Variants in KIF21A observed in about 807,000 individuals in gnomAD.
KIF21A encodes kinesin family member 21A.
KIF21A carries 114 observed loss-of-function variants against 202.9 expected under a neutral mutation model. That is an observed-to-expected ratio of 0.56 (90% CI 0.48 to 0.66). The LOEUF is 0.66. Among genes scored for constraint, KIF21A ranks in the 30% least tolerant of loss-of-function variants. The pLI, the probability that KIF21A is intolerant of heterozygous loss-of-function variation, is 0.00. For missense variants in KIF21A, 1,677 were observed against 1,994.9 expected (o/e 0.84, Z 3.04); for synonymous variants, 667 against 670.8 (o/e 0.99, Z 0.09).
At chr12:39,337,316 T>C (rs963971492) in intron 16 of KIF21A, 113 bp from the exon 17 acceptor site, 2 of 732,252 alleles carry the variant, frequency 2.7e-6, no homozygotes, top group African/African-American at 1.7e-5. Flanking sequence ...CATGGAAACA[T>C]GCAGTTTTGC....
chr12:39,319,844 T>C, intron 28 of KIF21A, 62 bp downstream of exon 28: 3 of 950,936 alleles, frequency 3.2e-6, no homozygotes, highest in Non-Finnish European at 5.0e-6. Flanking sequence ...TGATTATCTT[T>C]AGCATCTAAG....
intron 1 of KIF21A, among the ~76,000 whole-genome samples, chr12:39,379,952 T>C (rs1304706368): frequency 2.6e-5 from 4 of 152,156 alleles, no homozygotes; most frequent in Non-Finnish European, 5.9e-5. Context: ...TCTCAGGAAA[T>C]GGTAACAACA....
intron 1 of KIF21A, among the ~76,000 whole-genome samples, chr12:39,441,660 T>TAA (rs56245570): frequency 0.031 from 1,172 of 37,770 alleles, 221 homozygotes; most frequent in African/African-American, 0.078. Context: ...CCCTGGGTGG[T>TAA]AAAAAAAAAA....
At position 39,322,624 on chromosome 12, in the gene KIF21A, T is replaced by A. The variant is rs567108624; in HGVS notation, c.3671+44A>T. Reference sequence around the variant, plus strand: ...TTAGCAACATGCATACTTTTTTTTTTAAAGCCAAAAGAAAAGAAGTTAGTG... The same window carrying A: ...TTAGCAACATGCATACTTTTTTTTTAAAAGCCAAAAGAAAAGAAGTTAGTG... On this transcript the variant is annotated intron_variant, in intron 27 of 37. Coordinates refer to ENST00000361418, the MANE Select transcript of KIF21A (RefSeq NM_001173464.2). 30 of 1,441,706 alleles carry A rather than the reference T, an allele frequency of 2.1e-5. No individual in the cohort carries two copies. In the Middle Eastern group the frequency reaches 7.3e-4, roughly 35 times the overall value. The allele number at this position is 1,441,706 out of a possible 1,614,324, so 89.3% of individuals were successfully genotyped here. A position where few individuals can be genotyped will look rare whatever the true frequency, so the allele number is the denominator to read the frequency against.
chr12:39,340,309 T>C lies in KIF21A; in HGVS notation c.2166A>G (p.Glu722=). Residue 722 remains glutamate, a synonymous_variant, in exon 16 of 38, where the codon GAA becomes GAG. Transcript: ENST00000361418. ...EKAKKVRSEY[E]KKLQAMNKEL... is the part of the protein sequence containing the mutation. ...CTTTGTTCATGGCTTGGAGTTTCTT[T>C]TCATATTCAGACCTAACTTTTTTTG... 4 of 1,612,618 alleles carry C rather than the reference T, an allele frequency of 2.5e-6. No individual in the cohort carries two copies. The highest frequency in any genetic ancestry group is 3.4e-6 in the Non-Finnish European group (4 of 1,179,384).
At position 39,442,352 on chromosome 12, in the gene KIF21A, C is replaced by A. The variant is rs1939761224; in HGVS notation, c.44+575G>T. On this transcript the variant is annotated intron_variant, in intron 1 of 37. Coordinates refer to ENST00000361418, the MANE Select transcript of KIF21A (RefSeq NM_001173464.2). This position sits in a 1 kb window ranked among gnomAD's most constrained non-coding sequence, Gnocchi z 5.0. ...TGTCTCCTCTACCCACACGCGGGGG[C>A]ATGTCTAGATCCCCGTGATGCTGAA... is the stretch of plus-strand genomic sequence containing the variant. 6.6e-6 allele frequency among the ~76,000 whole-genome samples: 1 copy of A among 152,148 alleles called. No homozygotes were observed. The highest frequency in any genetic ancestry group is 1.5e-5 in the Non-Finnish European group (1 of 68,028).
chr12:39,324,764 G>A (rs750195084), intron 26 of KIF21A, among the ~76,000 whole-genome samples: 1 of 152,140 alleles, frequency 6.6e-6, no homozygotes, highest in East Asian at 1.9e-4. Flanking sequence ...ATGATGAACC[G>A]TTCATTGTAT....
In KIF21A at chr12:39,369,659, G is replaced by A. The variant is rs111423493; in HGVS notation, c.450+70C>T. On this transcript the variant is annotated intron_variant, in intron 3 of 37. Transcript: ENST00000361418. ...CAAAGCACTATACTTGAAGCCAACA[G>A]TATAAAATCATAAACACAGTCTATA... 481 of 1,180,110 alleles carry A rather than the reference G, an allele frequency of 4.1e-4. 4 individuals carry two copies. The African/African-American group carries it at 6.8e-3, about 17-fold the overall frequency. The allele number at this position is 1,180,110 out of a possible 1,614,324, so 73.1% of individuals were successfully genotyped here.
At chr12:39,329,805 A>G (rs1342001863) in intron 24 of KIF21A, among the ~76,000 whole-genome samples, 1 of 152,072 alleles carries the variant, frequency 6.6e-6, no homozygotes, top group Non-Finnish European at 1.5e-5. Context: ...GCTTAAATTT[A>G]CAAAAATAAA....
chr12:39,396,228 G>GT (rs901871445), intron 1 of KIF21A, among the ~76,000 whole-genome samples: 10 of 152,218 alleles, frequency 6.6e-5, no homozygotes, highest in Admixed American at 5.9e-4. Context: ...ATTTTAAAAT[G>GT]TAAGAATGTA....
intron 3 of KIF21A, 33 bp from the exon 4 acceptor site, chr12:39,368,065 C>A (rs1565999546): frequency 2.2e-6 from 3 of 1,379,310 alleles, no homozygotes; most frequent in African/African-American, 1.4e-5. Flanking sequence ...CTAATTTTAG[C>A]AGAAATTGTC....
At chr12:39,435,226 T>C (rs897318569) in intron 1 of KIF21A, among the ~76,000 whole-genome samples, 1 of 152,228 alleles carries the variant, frequency 6.6e-6, no homozygotes, top group Non-Finnish European at 1.5e-5. Context: ...GGTTAAATCC[T>C]GAATGACCTT....
chr12:39,373,837 G>A (rs775978495), intron 1 of KIF21A, among the ~76,000 whole-genome samples: 5 of 152,174 alleles, frequency 3.3e-5, no homozygotes, highest in Non-Finnish European at 5.9e-5. Context: ...ATGGCAAGGA[G>A]GATTCTGTTT....
At chr12:39,414,575 A>G (rs1205678353) in intron 1 of KIF21A, among the ~76,000 whole-genome samples, 1 of 152,222 alleles carries the variant, frequency 6.6e-6, no homozygotes, top group Non-Finnish European at 1.5e-5. Context: ...CAGAAGCACC[A>G]TAACTCTGGG....
At chr12:39,415,396 C>G (rs1381684827) in intron 1 of KIF21A, among the ~76,000 whole-genome samples, 1 of 151,824 alleles carries the variant, frequency 6.6e-6, no homozygotes, top group Non-Finnish European at 1.5e-5. Context: ...CCCGCCACCA[C>G]GCCCGGCTAA....
intron 1 of KIF21A, among the ~76,000 whole-genome samples, chr12:39,419,946 A>C (rs1954105357): frequency 1.3e-5 from 2 of 152,052 alleles, no homozygotes; most frequent in Admixed American, 6.6e-5. Flanking sequence ...CCCATCTCAG[A>C]GTGTCCACCC....
chr12:39,322,913 G>T, intron 26 of KIF21A, 31 bp from the exon 27 acceptor site: 1 of 1,419,602 alleles, frequency 7.0e-7, no homozygotes, highest in Non-Finnish European at 9.4e-7. Flanking sequence ...AAAGCAATCA[G>T]GAGCAAACTC....
rs747113451 is a variant in KIF21A, at chr12:39,367,138, A to G, written c.627T>C (p.Ala209=). Reference sequence around the variant, plus strand: ...GGGTACTGGCAGTTGTCCGGGATAAAGCACCCAACTTCAAACACTGCATCA... The same window carrying G: ...GGGTACTGGCAGTTGTCCGGGATAAGGCACCCAACTTCAAACACTGCATCA... The part of the protein sequence containing the change: ...SEMMQCLKLG[A]LSRTTASTQM... Residue 209 remains alanine, a synonymous_variant, in exon 5 of 38, where the codon GCT becomes GCC. Coordinates refer to ENST00000361418, the MANE Select transcript of KIF21A (RefSeq NM_001173464.2). The G allele has an allele frequency of 3.1e-6, 5 of 1,614,000 alleles. No individual in the cohort carries two copies. The highest frequency in any genetic ancestry group is 8.5e-7 in the Non-Finnish European group (1 of 1,179,916).
At chr12:39,347,766 T>C (rs1201712328) in intron 11 of KIF21A, among the ~76,000 whole-genome samples, 1 of 152,072 alleles carries the variant, frequency 6.6e-6, no homozygotes, top group African/African-American at 2.4e-5. Context: ...GAAATCTGTG[T>C]GTTTCTAGAG....
Sources: gnomAD v4.1 joint callset for allele counts (sites outside exome capture counted in the v4.1 genomes callset) on GRCh38, gnomAD v4.1.1 for gene constraint, Gnocchi (gnomAD v3.1) non-coding constraint, MANE v1.5 for transcripts, NCBI Gene and HGNC (gene_info 2026-07-23, HGNC 2026-07-21) for gene names.